Variants in SBF2 observed in about 807,000 individuals in gnomAD.
SBF2 encodes SET binding factor 2, also known as myotubularin-related protein 13.
SBF2 carries 112 observed loss-of-function variants against 225.2 expected under a neutral mutation model. The observed-to-expected ratio is 0.50, with a 90% CI of 0.43 to 0.58. SBF2 has a LOEUF of 0.58. SBF2 is among the 20% of genes least tolerant of loss of function. The probability of loss-of-function intolerance (pLI) is 0.00; values close to 1 mark genes in which losing one functional copy is unlikely to be tolerated. For synonymous variants in SBF2, 763 were observed against 773.3 expected (o/e 0.99, Z 0.22); for missense variants, 1,996 against 2,206.2 (o/e 0.90, Z 1.91).
At chr11:9,902,234 C>T (rs917154500) in intron 16 of SBF2, among the ~76,000 whole-genome samples, 23 of 152,146 alleles carry the variant, frequency 1.5e-4, no homozygotes, top group Admixed American at 3.3e-4. Flanking sequence ...AGGGCTACTA[C>T]CTATGAGGCT....
intron 2 of SBF2, among the ~76,000 whole-genome samples, chr11:10,175,350 G>T (rs1420812429): frequency 6.6e-6 from 1 of 151,130 alleles, no homozygotes; most frequent in Non-Finnish European, 1.5e-5. Context: ...AAAAAAGGTA[G>T]GGGTTGCAAT....
intron 1 of SBF2, among the ~76,000 whole-genome samples, chr11:10,277,268 A>AAACAAACAAAC (rs2135551117): frequency 3.9e-5 from 1 of 25,568 alleles, no homozygotes; most frequent in South Asian, 2.4e-3. Context: ...AACAAACAAA[A>AAACAAACAAAC]AATCATGCAA....
intron 1 of SBF2, among the ~76,000 whole-genome samples, chr11:10,234,243 C>A (rs559783125): frequency 6.6e-6 from 1 of 152,066 alleles, no homozygotes; most frequent in East Asian, 1.9e-4. Flanking sequence ...GTTTTTACCC[C>A]TCATTTTGAT....
At chr11:9,965,005 C>T (rs11824183) in intron 14 of SBF2, among the ~76,000 whole-genome samples, 35,707 of 151,914 alleles carry the variant, frequency 0.24, 4,309 homozygotes, top group East Asian at 0.31. Context: ...AGTAATTTCT[C>T]ATCCCTCACT....
At chr11:9,915,859 T>A (rs767914145) in intron 16 of SBF2, among the ~76,000 whole-genome samples, 1 of 152,092 alleles carries the variant, frequency 6.6e-6, no homozygotes, top group Non-Finnish European at 1.5e-5. Flanking sequence ...GGTCCAAGAG[T>A]TCGAGACCAG....
intron 13 of SBF2, among the ~76,000 whole-genome samples, chr11:9,969,547 T>G (rs899182388): frequency 2.6e-5 from 4 of 152,190 alleles, no homozygotes; most frequent in African/African-American, 9.7e-5. Flanking sequence ...ACACAGAACT[T>G]CTTGTTCCTG....
At position 9,995,983 on chromosome 11, in the gene SBF2, A is replaced by G. The variant is rs1008103991; in HGVS notation, c.976-1985T>C. 1.1e-4 allele frequency among the ~76,000 whole-genome samples: 16 copies of G among 152,162 alleles called. No homozygotes were observed. In the East Asian group the frequency reaches 1.2e-3, roughly 11 times the overall value. ...CCGTATGCTCCTATTTCTTATTCACAGTACATTAAGTAGTATCTAATCCAC... is the reference window on the plus strand; with the variant it reads ...CCGTATGCTCCTATTTCTTATTCACGGTACATTAAGTAGTATCTAATCCAC... On this transcript the variant is annotated intron_variant, in intron 9 of 39. Coordinates refer to ENST00000256190, the MANE Select transcript of SBF2 (RefSeq NM_030962.4).
At chr11:9,849,887 G>T in intron 22 of SBF2, 136 bp downstream of exon 22, 1 of 822,878 alleles carries the variant, frequency 1.2e-6, no homozygotes, top group Non-Finnish European at 2.1e-6. Context: ...TCAGACTAAA[G>T]TATTTCACCA....
intron 1 of SBF2, among the ~76,000 whole-genome samples, chr11:10,199,583 A>G (rs193253514): frequency 3.8e-4 from 58 of 152,316 alleles, no homozygotes; most frequent in African/African-American, 1.3e-3. Context: ...GCAAAGAACA[A>G]TAAACCAAAG....
chr11:9,969,974 TG>T (rs1431325987), intron 13 of SBF2, among the ~76,000 whole-genome samples: 4 of 152,188 alleles, frequency 2.6e-5, no homozygotes, highest in African/African-American at 9.7e-5. Context: ...CTAATATTTT[TG>T]TAGACTCTTT....
intron 1 of SBF2, among the ~76,000 whole-genome samples, chr11:10,291,517 C>T (rs1484036273): frequency 6.6e-6 from 1 of 152,130 alleles, no homozygotes; most frequent in African/African-American, 2.4e-5. Flanking sequence ...ATATAATCCG[C>T]GAGCTCCCCT....
intron 1 of SBF2, among the ~76,000 whole-genome samples, chr11:10,259,856 A>C (rs1961258561): frequency 6.6e-6 from 1 of 152,184 alleles, no homozygotes; most frequent in South Asian, 2.1e-4. Flanking sequence ...AATAACAAAA[A>C]ATTTAAAAGA....
intron 1 of SBF2, among the ~76,000 whole-genome samples, chr11:10,274,103 G>A (rs1962763049): frequency 6.6e-6 from 1 of 152,226 alleles, no homozygotes; most frequent in Non-Finnish European, 1.5e-5. Context: ...GCAAATAAAA[G>A]TATGAATGAT....
intron 1 of SBF2, among the ~76,000 whole-genome samples, chr11:10,272,545 T>C (rs910468570): frequency 3.3e-5 from 5 of 152,126 alleles, no homozygotes; most frequent in African/African-American, 9.7e-5. Flanking sequence ...ATCCCAGCAC[T>C]ACCAAAGTGC....
At chr11:9,857,026 A>T (rs1273943694) in intron 18 of SBF2, among the ~76,000 whole-genome samples, 1 of 152,200 alleles carries the variant, frequency 6.6e-6, no homozygotes, top group Admixed American at 6.5e-5. Context: ...TGACCTTGTG[A>T]TCAGCCCGCC....
chr11:9,918,357 T>C (rs1365764340), intron 16 of SBF2, among the ~76,000 whole-genome samples: 1 of 151,986 alleles, frequency 6.6e-6, no homozygotes, highest in Middle Eastern at 3.2e-3. Flanking sequence ...ATTTTCTTTT[T>C]ATTTCTTTTT....
intron 28 of SBF2, chr11:9,828,188 A>G: frequency 7.8e-7 from 1 of 1,289,736 alleles, no homozygotes; most frequent in Non-Finnish European, 1.0e-6. Flanking sequence ...CTGCTTAAGC[A>G]CAGTGGACAT....
chr11:10,037,328 C>T (rs1366059534), intron 3 of SBF2, among the ~76,000 whole-genome samples: 2 of 152,116 alleles, frequency 1.3e-5, no homozygotes, highest in Non-Finnish European at 2.9e-5. Flanking sequence ...GTTACGCATG[C>T]TAGTTTTCAC....
At chr11:10,155,594 G>A (rs933579552) in intron 2 of SBF2, among the ~76,000 whole-genome samples, 1 of 152,108 alleles carries the variant, frequency 6.6e-6, no homozygotes, top group Non-Finnish European at 1.5e-5. Context: ...TTTCAGAGGG[G>A]AAGGTCATAC....
Sources: allele counts gnomAD v4.1 joint callset (sites outside exome capture counted in the v4.1 genomes callset), GRCh38; gene constraint gnomAD v4.1.1; transcripts MANE v1.5; gene names NCBI Gene and HGNC (gene_info 2026-07-23, HGNC 2026-07-21).